BMPR1B: variants seen among roughly 807,000 people sequenced by gnomAD.
The protein encoded by BMPR1B is bone morphogenetic protein receptor type-1B.
In BMPR1B, 12 loss-of-function variants were observed where a neutral mutation model predicts 59.1. That is an observed-to-expected ratio of 0.20 (90% CI 0.13 to 0.33). The LOEUF (loss-of-function observed/expected upper bound fraction) is 0.33, where lower values mean the gene tolerates loss of function less well. Ranked by LOEUF, BMPR1B falls within the 10% of genes least tolerant of loss-of-function variation. The pLI, the probability that BMPR1B is intolerant of heterozygous loss-of-function variation, is 1.00. For synonymous variants in BMPR1B, 237 were observed against 207.3 expected (o/e 1.14, Z -1.23); for missense variants, 550 against 610.9 (o/e 0.90, Z 1.05).
chr4:94,990,554 T>G (rs1021396014), intron 2 of BMPR1B, among the ~76,000 whole-genome samples: 1 of 152,156 alleles, frequency 6.6e-6, no homozygotes, highest in African/African-American at 2.4e-5. Flanking sequence ...GGTACTAACA[T>G]TAAATCCATT....
At position 95,005,222 on chromosome 4, in the gene BMPR1B, A is replaced by G. The variant is rs111971273; in HGVS notation, c.-18+9088A>G. On this transcript the variant is annotated intron_variant, in intron 3 of 12. Coordinates refer to ENST00000515059, the MANE Select transcript of BMPR1B (RefSeq NM_001203.3). ...ATTGTTAATAGTCCAAACTAGTACT[A>G]TAAATTGTAGAGGTAGAGAATCAAT... Among the ~76,000 whole-genome samples the G allele has an allele frequency of 4.4e-3, 669 of 152,320 alleles. 10 individuals carry two copies. The highest frequency in any genetic ancestry group is 3.5e-3 in the Non-Finnish European group (241 of 68,026).
chr4:94,797,448 C>G (rs1723238394), intron 1 of BMPR1B, among the ~76,000 whole-genome samples: 1 of 152,168 alleles, frequency 6.6e-6, no homozygotes, highest in Admixed American at 6.5e-5. Flanking sequence ...GCTGAAGTGT[C>G]TATTCTGTAA....
intron 8 of BMPR1B, among the ~76,000 whole-genome samples, chr4:95,129,100 A>G (rs1733115529): frequency 6.6e-6 from 1 of 152,142 alleles, no homozygotes; most frequent in Non-Finnish European, 1.5e-5. Context: ...GTTCCTTCAA[A>G]GTACTATTAT....
At chr4:94,766,295 G>A (rs891909037) in intron 1 of BMPR1B, among the ~76,000 whole-genome samples, 1 of 151,922 alleles carries the variant, frequency 6.6e-6, no homozygotes. Context: ...CAAACAATTG[G>A]CTAAACATTT....
intron 1 of BMPR1B, among the ~76,000 whole-genome samples, chr4:94,782,066 T>C (rs1722610419): frequency 6.6e-6 from 1 of 152,046 alleles, no homozygotes; most frequent in African/African-American, 2.4e-5. Flanking sequence ...TCAGCTCTTC[T>C]TAAAATGAAT....
intron 1 of BMPR1B, among the ~76,000 whole-genome samples, chr4:94,779,747 G>T (rs1722519115): frequency 6.6e-6 from 1 of 152,016 alleles, no homozygotes; most frequent in Non-Finnish European, 1.5e-5. Context: ...CAAGAGAATT[G>T]CTTGAATCTG....
intron 1 of BMPR1B, among the ~76,000 whole-genome samples, chr4:94,762,877 G>T (rs562625615): frequency 6.7e-6 from 1 of 150,278 alleles, no homozygotes; most frequent in Non-Finnish European, 1.5e-5. Flanking sequence ...TTTTTGCGGG[G>T]CTGGGGGCTG....
At chr4:94,992,145 C>T (rs974922079) in intron 2 of BMPR1B, among the ~76,000 whole-genome samples, 2 of 152,156 alleles carry the variant, frequency 1.3e-5, no homozygotes, top group African/African-American at 4.8e-5. Flanking sequence ...TATTCCTTGC[C>T]CATCAGTCAA....
chr4:94,884,324 G>A (rs1022438637), intron 2 of BMPR1B, among the ~76,000 whole-genome samples: 15 of 152,216 alleles, frequency 9.9e-5, no homozygotes, highest in East Asian at 9.7e-4. Flanking sequence ...TTAGGAGTTC[G>A]AAACCCGCCT....
intron 1 of BMPR1B, among the ~76,000 whole-genome samples, chr4:94,799,698 GT>G (rs1317569133): frequency 1.3e-5 from 2 of 150,278 alleles, no homozygotes; most frequent in Admixed American, 6.6e-5. Flanking sequence ...TTTTGTTTTT[GT>G]TTTTGTTCTG....
At chr4:94,846,377 G>A (rs986106009) in intron 1 of BMPR1B, among the ~76,000 whole-genome samples, 1 of 152,184 alleles carries the variant, frequency 6.6e-6, no homozygotes, top group African/African-American at 2.4e-5. Context: ...GTGTGTCTGT[G>A]AGGGTATTGT....
chr4:95,021,166 G>T (rs946365143), intron 3 of BMPR1B, among the ~76,000 whole-genome samples: 40 of 152,272 alleles, frequency 2.6e-4, no homozygotes, highest in South Asian at 2.1e-3. Context: ...TTTTCCCTAG[G>T]TCTAAAATAT....
Position 94,990,370 on chromosome 4 carries a change from A to G in BMPR1B, c.-112-5670A>G, listed in dbSNP as rs1475510193. 3.3e-5 allele frequency among the ~76,000 whole-genome samples: 5 copies of G among 152,310 alleles called. No individual in the cohort carries two copies. In the East Asian group the frequency reaches 9.6e-4, roughly 29 times the overall value. On this transcript the variant is annotated intron_variant, in intron 2 of 12. Coordinates refer to ENST00000515059, the MANE Select transcript of BMPR1B (RefSeq NM_001203.3). ...ACTCTGTCCGTCTCAAAAAAGAAAA[A>G]GAAAATATAAGTTGAAGCAAAAACT...
intron 6 of BMPR1B, among the ~76,000 whole-genome samples, chr4:95,118,044 T>C (rs1024223385): frequency 6.6e-6 from 1 of 152,036 alleles, no homozygotes; most frequent in African/African-American, 2.4e-5. Context: ...TTGCGTAAGG[T>C]GGCTGGCTTT....
At chr4:95,144,110 T>C (rs1734454225) in intron 10 of BMPR1B, among the ~76,000 whole-genome samples, 1 of 152,142 alleles carries the variant, frequency 6.6e-6, no homozygotes, top group Non-Finnish European at 1.5e-5. Flanking sequence ...CAGGCTCTCA[T>C]TAATTTCTTA....
Position 95,120,638 on chromosome 4 carries a change from C to CT in BMPR1B, c.350-3170dup, listed in dbSNP as rs1310428448. Among the ~76,000 whole-genome samples, 337 of 147,972 alleles carry CT rather than the reference C, an allele frequency of 2.3e-3. 2 individuals carry two copies. The highest frequency in any genetic ancestry group is 7.3e-3 in the African/African-American group (292 of 39,912). ...CCTTCCTTCCTTCCTTCCTTCCTTC[C>CT]TTCCTTCCTTCCTTTCCTTCCTTCC... is the stretch of plus-strand genomic sequence containing the variant. On this transcript the variant is annotated intron_variant, in intron 6 of 12. Coordinates refer to ENST00000515059, the MANE Select transcript of BMPR1B (RefSeq NM_001203.3).
At chr4:94,899,495 T>C (rs1727721467) in intron 2 of BMPR1B, among the ~76,000 whole-genome samples, 1 of 149,480 alleles carries the variant, frequency 6.7e-6, no homozygotes, top group South Asian at 2.1e-4. Flanking sequence ...AAATCATATA[T>C]ATATGATTTA....
At position 95,154,528 on chromosome 4, in the gene BMPR1B, C is replaced by G; in HGVS notation, c.1384-20C>G. 1 of 1,613,998 alleles carries G rather than the reference C, an allele frequency of 6.2e-7. No individual in the cohort carries two copies. The highest frequency in any genetic ancestry group is 2.2e-5 in the East Asian group (1 of 44,872). The stretch of plus-strand genomic sequence containing the variant: ...CCAGCCTTGCAGATGATACATTTTT[C>G]TAACATTTCTCTTCCTCAGTGTCTA... On this transcript the variant is annotated intron_variant, in intron 12 of 12. Coordinates refer to ENST00000515059, the MANE Select transcript of BMPR1B (RefSeq NM_001203.3).
chr4:95,065,685 A>C (rs1227966175), intron 3 of BMPR1B, among the ~76,000 whole-genome samples: 1 of 152,172 alleles, frequency 6.6e-6, no homozygotes, highest in African/African-American at 2.4e-5. Context: ...AGTCAGCCAG[A>C]AATGAAATTA....
Sources: gnomAD v4.1 joint callset for allele counts (sites outside exome capture counted in the v4.1 genomes callset) on GRCh38, gnomAD v4.1.1 for gene constraint, MANE v1.5 for transcripts, NCBI Gene and HGNC (gene_info 2026-07-23, HGNC 2026-07-21) for gene names.